Variants in SHANK2 observed in about 807,000 individuals in gnomAD.
The protein encoded by SHANK2 is SH3 and multiple ankyrin repeat domains protein 2.
A neutral mutation model predicts 133.7 loss-of-function variants in SHANK2; 43 were observed. The ratio of observed to expected loss-of-function variants is 0.32; its 90% confidence interval spans 0.25 to 0.41. The LOEUF (loss-of-function observed/expected upper bound fraction) is 0.41, where lower values mean the gene tolerates loss of function less well. Ranked by LOEUF, SHANK2 falls within the 10% of genes least tolerant of loss-of-function variation. The probability of loss-of-function intolerance (pLI) is 1.00; values close to 1 mark genes in which losing one functional copy is unlikely to be tolerated. For synonymous variants in SHANK2, 1,017 were observed against 952.8 expected (o/e 1.07, Z -1.24); for missense variants, 1,994 against 2,235.8 (o/e 0.89, Z 2.18).
At chr11:70,519,562 G>T (rs993525772) in intron 17 of SHANK2, among the ~76,000 whole-genome samples, 1 of 151,972 alleles carries the variant, frequency 6.6e-6, no homozygotes, top group Non-Finnish European at 1.5e-5. Context: ...CAGGAGAATC[G>T]CTTGAACCCA....
Position 70,486,006 on chromosome 11 carries a change from A to G in SHANK2, c.4287T>C (p.Ala1429=), listed in dbSNP as rs116984460. The part of the protein sequence containing the change: ...NSFDIPDDRA[A]SVPALSDLVK... The stretch of plus-strand genomic sequence containing the variant: ...CTAAGTCTGAGAGAGCCGGGACAGA[A>G]GCTGCCCGGTCATCGGGGATATCAA... Residue 1429 remains alanine, a synonymous_variant, in exon 25 of 26, where the codon GCT becomes GCC. Transcript: ENST00000601538. This position sits in a 1 kb window ranked among gnomAD's most constrained non-coding sequence, Gnocchi z 8.0. 1,866 of 1,614,086 alleles carry G rather than the reference A, an allele frequency of 1.2e-3. No homozygotes were observed. The highest frequency in any genetic ancestry group is 1.4e-3 in the Non-Finnish European group (1,596 of 1,180,024).
At chr11:70,725,429 C>T (rs1297147965) in intron 14 of SHANK2, among the ~76,000 whole-genome samples, 4 of 152,180 alleles carry the variant, frequency 2.6e-5, no homozygotes, top group East Asian at 3.9e-4. Flanking sequence ...TGCCAGGGTG[C>T]GGTGGCCCAG....
At chr11:70,758,112 C>T (rs1946911998) in intron 14 of SHANK2, among the ~76,000 whole-genome samples, 1 of 152,190 alleles carries the variant, frequency 6.6e-6, no homozygotes, top group African/African-American at 2.4e-5. Context: ...CACTAAAATG[C>T]TAATTAGGCA....
intron 17 of SHANK2, among the ~76,000 whole-genome samples, chr11:70,642,578 G>A (rs1392558020): frequency 1.3e-5 from 2 of 152,164 alleles, no homozygotes; most frequent in Non-Finnish European, 2.9e-5. Flanking sequence ...CTGTGTCCAC[G>A]CTAGCTGGGT....
intron 11 of SHANK2, among the ~76,000 whole-genome samples, chr11:70,874,339 TTATC>T (rs1297585148): frequency 5.3e-5 from 8 of 152,144 alleles, no homozygotes; most frequent in African/African-American, 1.4e-4. Context: ...TATCCATGAT[TTATC>T]TATCTATCTA....
intron 17 of SHANK2, among the ~76,000 whole-genome samples, chr11:70,513,796 C>T (rs1452858055): frequency 6.6e-6 from 1 of 151,900 alleles, no homozygotes; most frequent in Admixed American, 6.6e-5. Flanking sequence ...TGAAGACATG[C>T]CAAGAGAACA....
chr11:71,102,552 C>T (rs782549221), intron 6 of SHANK2, among the ~76,000 whole-genome samples: 2 of 152,158 alleles, frequency 1.3e-5, no homozygotes, highest in Non-Finnish European at 2.9e-5. Context: ...CTCTGCTGTC[C>T]CCTGGGTGGC....
At chr11:70,842,824 G>A (rs1948928360) in intron 11 of SHANK2, among the ~76,000 whole-genome samples, 1 of 152,222 alleles carries the variant, frequency 6.6e-6, no homozygotes, top group Non-Finnish European at 1.5e-5. Context: ...CCGAGGTGAA[G>A]CTCCCTCCAC....
intron 2 of SHANK2, among the ~76,000 whole-genome samples, chr11:71,182,157 T>C (rs1478906793): frequency 6.6e-6 from 1 of 151,164 alleles, no homozygotes; most frequent in African/African-American, 2.4e-5. Context: ...AAAAAAAAAA[T>C]CTCTCCAAAC....
chr11:71,221,898 A>G (rs2919732), intron 2 of SHANK2, among the ~76,000 whole-genome samples: 80,456 of 151,922 alleles, frequency 0.53, 24,353 homozygotes, highest in African/African-American at 0.84. Context: ...GTTCATGATC[A>G]ATGAATGGGG....
At chr11:70,789,601 C>A (rs1041055091) in intron 14 of SHANK2, among the ~76,000 whole-genome samples, 1 of 152,184 alleles carries the variant, frequency 6.6e-6, no homozygotes, top group Non-Finnish European at 1.5e-5. Flanking sequence ...TTGAGGATCC[C>A]GACTCCAACA....
chr11:71,239,896 C>A (rs1555124161), intron 1 of SHANK2, among the ~76,000 whole-genome samples: 1 of 152,206 alleles, frequency 6.6e-6, no homozygotes, highest in Non-Finnish European at 1.5e-5. Context: ...CTAAGCCCAC[C>A]AGGCACAGGC....
At chr11:71,120,967 G>A (rs1376471893) in intron 3 of SHANK2, among the ~76,000 whole-genome samples, 3 of 152,342 alleles carry the variant, frequency 2.0e-5, no homozygotes, top group Middle Eastern at 3.4e-3. Context: ...GCAGGTGATT[G>A]CAAAGATAGG....
chr11:70,874,989 A>T (rs1555070914), intron 11 of SHANK2, among the ~76,000 whole-genome samples: 1 of 152,210 alleles, frequency 6.6e-6, no homozygotes, highest in Non-Finnish European at 1.5e-5. Context: ...TCCCCAAGTT[A>T]ATGTTCATAC....
intron 17 of SHANK2, among the ~76,000 whole-genome samples, chr11:70,566,041 G>A (rs551830903): frequency 4.2e-4 from 64 of 152,214 alleles, no homozygotes; most frequent in African/African-American, 1.5e-3. Context: ...GAAGGGAAAG[G>A]GCATGTTCTA....
Position 71,093,054 on chromosome 11 carries a change from G to GC in SHANK2, c.745-466_745-465insG, listed in dbSNP as rs1555094465. 2.1e-3 allele frequency among the ~76,000 whole-genome samples: 300 copies of GC among 141,518 alleles called. 9 individuals carry two copies. The highest frequency in any genetic ancestry group is 7.6e-3 in the African/African-American group (281 of 36,868). 92.8% of individuals were successfully genotyped at this position (141,518 alleles called of 152,430 possible). A position where few individuals can be genotyped will look rare whatever the true frequency, so the allele number is the denominator to read the frequency against. ...CAAAGCTCAGTCTCAAAAATAAAGGGGGGGGGGGGCAGGTATAACTTTAGA... is the reference window on the plus strand; with the variant it reads ...CAAAGCTCAGTCTCAAAAATAAAGGGCGGGGGGGGGCAGGTATAACTTTAGA... On this transcript the variant is annotated intron_variant, in intron 7 of 25. Transcript: ENST00000601538.
intron 9 of SHANK2, among the ~76,000 whole-genome samples, chr11:71,066,151 G>C (rs1294914798): frequency 4.5e-4 from 26 of 58,166 alleles, no homozygotes; most frequent in Admixed American, 8.7e-4. Flanking sequence ...AGTTGGGTGG[G>C]GGGGGTGCAG....
At chr11:70,729,084 A>G (rs1946229583) in intron 14 of SHANK2, among the ~76,000 whole-genome samples, 1 of 151,978 alleles carries the variant, frequency 6.6e-6, no homozygotes, top group Non-Finnish European at 1.5e-5. Context: ...GGTGCTTGTA[A>G]TCCCAGCTAC....
At chr11:70,641,046 T>A (rs2061171906) in intron 17 of SHANK2, among the ~76,000 whole-genome samples, 1 of 149,312 alleles carries the variant, frequency 6.7e-6, no homozygotes. Flanking sequence ...ACAGAATTTT[T>A]AAAATTCTAA....
Sources: gnomAD v4.1 joint callset for allele counts (sites outside exome capture counted in the v4.1 genomes callset) on GRCh38, gnomAD v4.1.1 for gene constraint, Gnocchi (gnomAD v3.1) non-coding constraint, MANE v1.5 for transcripts, NCBI Gene and HGNC (gene_info 2026-07-23, HGNC 2026-07-21) for gene names.